Variants in RPTOR observed in about 807,000 individuals in gnomAD.
The protein encoded by RPTOR is regulatory associated protein of MTOR complex 1.
RPTOR carries 21 observed loss-of-function variants against 169.9 expected under a neutral mutation model. The ratio of observed to expected loss-of-function variants is 0.12; its 90% CI spans 0.09 to 0.18. The LOEUF (loss-of-function observed/expected upper bound fraction) is 0.18. RPTOR is among the 10% of genes least tolerant of loss of function. The probability of loss-of-function intolerance (pLI) is 1.00; values close to 1 mark genes in which losing one functional copy is unlikely to be tolerated. For synonymous variants in RPTOR, 732 were observed against 753.2 expected, an observed-to-expected ratio of 0.97 and a Z score of 0.46; for missense variants, 1,133 against 1,855.9, an observed-to-expected ratio of 0.61 and a Z score of 7.16.
chr17:80,885,484 TC>T (rs34286630), intron 17 of RPTOR, among the ~76,000 whole-genome samples: 69,896 of 151,946 alleles, frequency 0.46, 16,180 homozygotes, highest in Non-Finnish European at 0.49. Context: ...GTGTGCTGGG[TC>T]CCCCCCAACA....
chr17:80,575,948 C>G (rs1412140259), intron 1 of RPTOR, among the ~76,000 whole-genome samples: 1 of 152,092 alleles, frequency 6.6e-6, no homozygotes, highest in Non-Finnish European at 1.5e-5. Context: ...AAATTGGAGT[C>G]TATATTGTTG....
At chr17:80,623,452 T>G (rs1349413934) in intron 1 of RPTOR, among the ~76,000 whole-genome samples, 1 of 152,218 alleles carries the variant, frequency 6.6e-6, no homozygotes, top group African/African-American at 2.4e-5. Context: ...AAAAATACTT[T>G]TATTGGTGAT....
chr17:80,823,079 A>G lies in RPTOR; in HGVS notation c.992A>G (p.Asp331Gly). 1.2e-6 allele frequency: 2 copies of G among 1,614,066 alleles called. No individual in the cohort carries two copies. Among genetic ancestry groups the G allele is most frequent in the Non-Finnish European group, 8.5e-7 (1 of 1,179,984 alleles). ...DTIAWNVLPR[D>G]LFQKLFRQDL... ...CTTTTTATCTTTTATCTGCCCTCAG[A>G]TCTCTTCCAAAAGCTCTTCAGACAG... The change falls in exon 9 of 34, where the codon GAT (aspartate) becomes GGT (glycine). Residue 331 changes from aspartate to glycine, a missense_variant and splice_region_variant. By Grantham distance (94) the Asp-to-Gly change is moderately conservative. Around this residue, in one of 9 missense-constraint regions of RPTOR, gnomAD observed 289 missense variants for 585.8 expected, o/e 0.49. Coordinates refer to ENST00000306801, the MANE Select transcript of RPTOR (RefSeq NM_020761.3). The surrounding 1 kb of genome is among the most constrained non-coding windows in gnomAD (Gnocchi z 4.5).
At chr17:80,787,329 C>A (rs1036258808) in intron 6 of RPTOR, among the ~76,000 whole-genome samples, 2 of 152,162 alleles carry the variant, frequency 1.3e-5, no homozygotes, top group South Asian at 2.1e-4. Context: ...AGCTAGAGTA[C>A]CCCCGTCTAA....
chr17:80,840,879 C>A (rs2067636063), intron 10 of RPTOR, among the ~76,000 whole-genome samples: 3 of 133,510 alleles, frequency 2.2e-5, no homozygotes, highest in Admixed American at 1.5e-4. Context: ...TCACTCTCAC[C>A]ACACGGCAGC....
intron 5 of RPTOR, among the ~76,000 whole-genome samples, chr17:80,741,317 C>T (rs1301135599): frequency 6.6e-6 from 1 of 151,994 alleles, no homozygotes; most frequent in Non-Finnish European, 1.5e-5. Context: ...TGTGGGGGCC[C>T]TCCAGGTGGA....
intron 7 of RPTOR, among the ~76,000 whole-genome samples, chr17:80,808,879 C>A (rs2067245104): frequency 6.6e-6 from 1 of 152,080 alleles, no homozygotes; most frequent in Non-Finnish European, 1.5e-5. Context: ...TAAGTAACAG[C>A]CCGTCACCCT....
chr17:80,943,301 C>T (rs1386997538), intron 25 of RPTOR, among the ~76,000 whole-genome samples: 2 of 151,952 alleles, frequency 1.3e-5, no homozygotes. Flanking sequence ...TGCACCCCGA[C>T]GGTAGGCTCC....
At chr17:80,925,566 T>C in intron 24 of RPTOR, 86 bp downstream of exon 24, 1 of 1,105,944 alleles carries the variant, frequency 9.0e-7, no homozygotes, top group Admixed American at 1.8e-5. Flanking sequence ...TCAAGGCTTG[T>C]GGCTGTGGGA....
intron 1 of RPTOR, among the ~76,000 whole-genome samples, chr17:80,566,888 T>C (rs2064849531): frequency 6.6e-6 from 1 of 151,198 alleles, no homozygotes; most frequent in East Asian, 1.9e-4. Context: ...TTAAAAAACT[T>C]CTGCATGATT....
Position 80,909,361 on chromosome 17 carries a change from G to A in RPTOR, c.2520+432G>A, listed in dbSNP as rs138416123. On this transcript the variant is annotated intron_variant, in intron 21 of 33. Transcript: ENST00000306801. ...CTCCCAAAGTGCTGGGATTACAAGC[G>A]TGAGCCACTGCACCTGTTTTTTGTT... Among the ~76,000 whole-genome samples the A allele has an allele frequency of 1.5e-3, 224 of 151,504 alleles. 4 individuals carry two copies. The East Asian group carries it at 0.029, about 19-fold the overall frequency.
At chr17:80,727,324 G>A (rs1312512638) in intron 4 of RPTOR, among the ~76,000 whole-genome samples, 1 of 148,782 alleles carries the variant, frequency 6.7e-6, no homozygotes, top group East Asian at 2.0e-4. Context: ...GAACGTGGAC[G>A]CTGCACCTCT....
chr17:80,545,002 C>T lies in RPTOR; in HGVS notation c.-628C>T, dbSNP rs747128005. The T allele has an allele frequency of 1.2e-4, 27 of 232,558 alleles. No individual in the cohort carries two copies. The highest frequency in any genetic ancestry group is 1.6e-4 in the Non-Finnish European group (19 of 117,410). 14.4% of individuals were successfully genotyped at this position (232,558 alleles called of 1,614,324 possible). A position where few individuals can be genotyped will look rare whatever the true frequency, so the allele number is the denominator to read the frequency against. On this transcript the variant is annotated 5_prime_UTR_variant, in exon 1 of 34. Transcript: ENST00000306801. ...GGACTCGTTCTCAGGCAGGAGAGAG[C>T]CTCGGGGCTGAAGGCCAGGACCAGC... is the stretch of plus-strand genomic sequence containing the variant.
At position 80,730,758 on chromosome 17, in the gene RPTOR, T is replaced by C. The variant is rs777168862; in HGVS notation, c.654+52T>C. On this transcript the variant is annotated intron_variant, in intron 5 of 33. Coordinates refer to ENST00000306801, the MANE Select transcript of RPTOR (RefSeq NM_020761.3). The surrounding 1 kb of genome is among the most constrained non-coding windows in gnomAD (Gnocchi z 4.2). Reference sequence around the variant, plus strand: ...GTGCTGGGTTTGGTTTTGTTTTCCCTGGGGGTGGGGTTTGGGTGGGGAGGT... The same window carrying C: ...GTGCTGGGTTTGGTTTTGTTTTCCCCGGGGGTGGGGTTTGGGTGGGGAGGT... 110 of 467,404 alleles carry C rather than the reference T, an allele frequency of 2.4e-4. 1 individual carries two copies. Among genetic ancestry groups the C allele is most frequent in the Non-Finnish European group, 3.3e-4 (85 of 254,718 alleles). The allele number at this position is 467,404 out of a possible 1,614,324, so 29.0% of individuals were successfully genotyped here. A position where few individuals can be genotyped will look rare whatever the true frequency, so the allele number is the denominator to read the frequency against.
chr17:80,966,035 A>C lies in RPTOR; in HGVS notation c.*1705A>C, dbSNP rs927189648. The C allele has an allele frequency of 4.3e-6, 1 of 232,632 alleles. No individual in the cohort carries two copies. The highest frequency in any genetic ancestry group is 8.5e-6 in the Non-Finnish European group (1 of 117,848). The allele number at this position is 232,632 out of a possible 1,614,324, so 14.4% of individuals were successfully genotyped here. A position where few individuals can be genotyped will look rare whatever the true frequency, so the allele number is the denominator to read the frequency against. On this transcript the variant is annotated 3_prime_UTR_variant, in exon 34 of 34. Transcript: ENST00000306801. The stretch of plus-strand genomic sequence containing the variant: ...GCTTCCCATCCAGTCCTTCAACTCA[A>C]TTCTTACCCAACACGCGTTTCTGTT...
At chr17:80,592,217 G>T (rs925116487) in intron 1 of RPTOR, among the ~76,000 whole-genome samples, 2 of 152,202 alleles carry the variant, frequency 1.3e-5, no homozygotes, top group Non-Finnish European at 2.9e-5. Flanking sequence ...CAGTAGATTA[G>T]GTAGGAGAGA....
At chr17:80,557,392 C>G (rs1467746939) in intron 1 of RPTOR, among the ~76,000 whole-genome samples, 1 of 151,440 alleles carries the variant, frequency 6.6e-6, no homozygotes, top group Non-Finnish European at 1.5e-5. Context: ...TCGTGGATGC[C>G]TGTTATCCCA....
At chr17:80,613,036 C>A (rs904826268) in intron 1 of RPTOR, among the ~76,000 whole-genome samples, 1 of 152,164 alleles carries the variant, frequency 6.6e-6, no homozygotes. Context: ...GAGCCAGGGT[C>A]CCCCCTTGGA....
intron 17 of RPTOR, 59 bp from the exon 18 acceptor site, chr17:80,891,661 T>A (rs1365202794): frequency 8.6e-7 from 1 of 1,166,228 alleles, no homozygotes; most frequent in Non-Finnish European, 1.3e-6. Flanking sequence ...GTCTCACTGC[T>A]GCTCCACAAT....
Sources: allele counts gnomAD v4.1 joint callset (sites outside exome capture counted in the v4.1 genomes callset), GRCh38; gene constraint gnomAD v4.1.1; regional missense constraint gnomAD v4.1.1; non-coding constraint Gnocchi (gnomAD v3.1); transcripts MANE v1.5; gene names NCBI Gene and HGNC (gene_info 2026-07-23, HGNC 2026-07-21).